Variants in GRM1 observed in about 807,000 individuals in gnomAD.
GRM1 encodes the protein metabotropic glutamate receptor 1.
GRM1 carries 33 observed loss-of-function variants against 90.9 expected under a neutral mutation model. That is an observed-to-expected ratio of 0.36 (90% CI 0.28 to 0.49). The LOEUF (loss-of-function observed/expected upper bound fraction) is 0.49, where lower values mean the gene tolerates loss of function less well. Ranked by LOEUF, GRM1 falls within the 20% of genes least tolerant of loss-of-function variation. The pLI is 0.99. For missense variants in GRM1, 1,190 were observed against 1,534.3 expected, an observed-to-expected ratio of 0.78 and a Z score of 3.75; for synonymous variants, 700 against 613.2, an observed-to-expected ratio of 1.14 and a Z score of -2.09.
intron 2 of GRM1, among the ~76,000 whole-genome samples, chr6:146,272,536 G>T (rs527927925): frequency 9.2e-5 from 14 of 152,254 alleles, no homozygotes; most frequent in African/African-American, 3.4e-4. Flanking sequence ...TATTCCAGTG[G>T]ATTTCCCATG....
intron 3 of GRM1, among the ~76,000 whole-genome samples, chr6:146,308,522 G>A (rs1349440765): frequency 1.3e-5 from 2 of 152,132 alleles, no homozygotes; most frequent in African/African-American, 4.8e-5. Flanking sequence ...TACATCCCAG[G>A]ATGTGGAAAC....
chr6:146,062,826 G>A (rs920768074), intron 1 of GRM1, among the ~76,000 whole-genome samples: 1 of 151,942 alleles, frequency 6.6e-6, no homozygotes, highest in African/African-American at 2.4e-5. Flanking sequence ...AATAATACCT[G>A]CTTGAAAACC....
intron 2 of GRM1, among the ~76,000 whole-genome samples, chr6:146,229,734 A>G (rs1257041687): frequency 6.6e-6 from 1 of 152,174 alleles, no homozygotes; most frequent in African/African-American, 2.4e-5. Flanking sequence ...TGTTATAGGG[A>G]TAACACCCAA....
intron 2 of GRM1, among the ~76,000 whole-genome samples, chr6:146,219,656 G>A (rs1779989010): frequency 6.6e-6 from 1 of 151,216 alleles, no homozygotes; most frequent in Admixed American, 6.6e-5. Flanking sequence ...ATTAAGTATT[G>A]TTTTGTAAAA....
chr6:146,290,337 T>A (rs978559248), intron 2 of GRM1, among the ~76,000 whole-genome samples: 2 of 152,156 alleles, frequency 1.3e-5, no homozygotes, highest in African/African-American at 2.4e-5. Context: ...TTCTTCAGAA[T>A]TTCTTAACAA....
intron 2 of GRM1, among the ~76,000 whole-genome samples, chr6:146,257,627 G>A (rs9497513): frequency 3.1e-4 from 47 of 152,020 alleles, no homozygotes; most frequent in East Asian, 1.9e-3. Flanking sequence ...TCCATGTTCC[G>A]CTATCTACGA....
intron 1 of GRM1, among the ~76,000 whole-genome samples, chr6:146,095,426 G>A (rs1372945900): frequency 6.6e-6 from 1 of 152,110 alleles, no homozygotes; most frequent in Non-Finnish European, 1.5e-5. Flanking sequence ...GAAGCCATTT[G>A]TTTTCCCTCT....
At chr6:146,376,709 T>G (rs1460079775) in intron 5 of GRM1, among the ~76,000 whole-genome samples, 2 of 152,144 alleles carry the variant, frequency 1.3e-5, no homozygotes, top group African/African-American at 4.8e-5. Flanking sequence ...AATCCTTTCT[T>G]CATCCTTTAC....
chr6:146,132,946 GAGATC>G (rs1339229758), intron 1 of GRM1, among the ~76,000 whole-genome samples: 1 of 152,212 alleles, frequency 6.6e-6, no homozygotes, highest in Non-Finnish European at 1.5e-5. Flanking sequence ...GAACAACAAA[GAGATC>G]ATATTGATTC....
intron 1 of GRM1, among the ~76,000 whole-genome samples, chr6:146,089,168 G>A (rs951990741): frequency 3.9e-5 from 6 of 152,212 alleles, no homozygotes; most frequent in South Asian, 4.1e-4. Context: ...GGAATAAGTG[G>A]CCACATTGAT....
At chr6:146,384,889 T>C (rs1455522536) in intron 5 of GRM1, among the ~76,000 whole-genome samples, 1 of 152,040 alleles carries the variant, frequency 6.6e-6, no homozygotes, top group African/African-American at 2.4e-5. Context: ...AGCACATTAA[T>C]TGTTGTAGAA....
intron 2 of GRM1, among the ~76,000 whole-genome samples, chr6:146,245,871 A>T (rs1040231665): frequency 1.3e-5 from 2 of 152,154 alleles, no homozygotes; most frequent in East Asian, 3.9e-4. Context: ...TGACTTGTGA[A>T]TATTTCTCTT....
chr6:146,364,791 G>A (rs1259461534), intron 5 of GRM1: 4 of 108,634 alleles, frequency 3.7e-5, no homozygotes, highest in African/African-American at 1.3e-4. Flanking sequence ...TTTTTTTTTT[G>A]GAACAATTTA....
chr6:146,407,453 C>A (rs1452625527), intron 7 of GRM1, among the ~76,000 whole-genome samples: 4 of 152,158 alleles, frequency 2.6e-5, no homozygotes, highest in African/African-American at 4.8e-5. Context: ...GCTATATCTT[C>A]AAAGAGAACA....
chr6:146,409,405 T>C (rs1452829236), intron 7 of GRM1, among the ~76,000 whole-genome samples: 1 of 152,148 alleles, frequency 6.6e-6, no homozygotes, highest in Non-Finnish European at 1.5e-5. Flanking sequence ...TGTTAGAGGA[T>C]CCATTTGTTA....
At chr6:146,221,246 G>T (rs1022489471) in intron 2 of GRM1, among the ~76,000 whole-genome samples, 4 of 152,096 alleles carry the variant, frequency 2.6e-5, no homozygotes, top group Non-Finnish European at 2.9e-5. Context: ...GAACGTGCAG[G>T]TTTGTAACAT....
At chr6:146,042,061 C>G (rs1791131851) in intron 1 of GRM1, among the ~76,000 whole-genome samples, 1 of 151,996 alleles carries the variant, frequency 6.6e-6, no homozygotes, top group South Asian at 2.1e-4. Flanking sequence ...AGCTAGTTCT[C>G]TCCAGTTGTT....
intron 5 of GRM1, among the ~76,000 whole-genome samples, chr6:146,370,008 G>A (rs1408582173): frequency 6.6e-6 from 1 of 152,012 alleles, no homozygotes; most frequent in Non-Finnish European, 1.5e-5. Context: ...GTGCTCTGAT[G>A]TTGGATGCAT....
intron 3 of GRM1, among the ~76,000 whole-genome samples, chr6:146,336,166 G>C (rs1308344461): frequency 6.6e-6 from 1 of 152,180 alleles, no homozygotes; most frequent in Non-Finnish European, 1.5e-5. Context: ...TGTGGAGTGG[G>C]AGAGTTGGAA....
Sources: gnomAD v4.1 joint callset for allele counts (sites outside exome capture counted in the v4.1 genomes callset) on GRCh38, gnomAD v4.1.1 for gene constraint, MANE v1.5 for transcripts, NCBI Gene and HGNC (gene_info 2026-07-23, HGNC 2026-07-21) for gene names.